ALDH5A1: variants seen among roughly 807,000 people sequenced by gnomAD.
The protein encoded by ALDH5A1 is succinate-semialdehyde dehydrogenase, mitochondrial.
In ALDH5A1, 33 loss-of-function variants were observed where a neutral mutation model predicts 54.7. The ratio of observed to expected loss-of-function variants is 0.60; its 90% CI spans 0.46 to 0.81. The LOEUF (loss-of-function observed/expected upper bound fraction) is 0.81. Ranked by LOEUF, ALDH5A1 falls within the 30% of genes least tolerant of loss-of-function variation. The pLI is 0.00. For missense variants in ALDH5A1, 657 were observed against 711.0 expected (o/e 0.92, Z 0.86); for synonymous variants, 294 against 292.7 (o/e 1.00, Z -0.05).
At chr6:24,500,103 T>A (rs1764791635) in intron 1 of ALDH5A1, among the ~76,000 whole-genome samples, 1 of 152,236 alleles carries the variant, frequency 6.6e-6, no homozygotes, top group African/African-American at 2.4e-5. Flanking sequence ...CCGCCACACC[T>A]GGTCCCATAA....
chr6:24,520,656 G>A, intron 6 of ALDH5A1, 112 bp downstream of exon 6: 5 of 1,480,258 alleles, frequency 3.4e-6, no homozygotes, highest in Admixed American at 2.0e-5. Flanking sequence ...GTGCGTGTGT[G>A]TGTGTTACAA....
At chr6:24,498,791 CTG>C in intron 1 of ALDH5A1, among the ~76,000 whole-genome samples, 1 of 152,144 alleles carries the variant, frequency 6.6e-6, no homozygotes, top group Non-Finnish European at 1.5e-5. Flanking sequence ...TGGTGAAACA[CTG>C]TCTCTACTAA....
chr6:24,520,202 C>T (rs1759652605), intron 5 of ALDH5A1, among the ~76,000 whole-genome samples, 199 bp from the exon 6 acceptor site: 2 of 152,192 alleles, frequency 1.3e-5, no homozygotes. Flanking sequence ...CCACACCCAG[C>T]CTCTTCCCAA....
intron 3 of ALDH5A1, among the ~76,000 whole-genome samples, chr6:24,504,076 C>G (rs2760115): frequency 0.29 from 44,488 of 151,960 alleles, 6,742 homozygotes; most frequent in Non-Finnish European, 0.31. Context: ...TAGTTACAGA[C>G]AGAATCCCCC....
chr6:24,511,668 G>A (rs1050858544), intron 4 of ALDH5A1, among the ~76,000 whole-genome samples: 4 of 148,482 alleles, frequency 2.7e-5, no homozygotes, highest in African/African-American at 9.8e-5. Flanking sequence ...GTTTCCTGGA[G>A]TTTTGATTGT....
chr6:24,511,230 T>A (rs1759452185), intron 4 of ALDH5A1, among the ~76,000 whole-genome samples: 1 of 152,210 alleles, frequency 6.6e-6, no homozygotes, highest in Non-Finnish European at 1.5e-5. Context: ...TACCTGGTGC[T>A]TTTGCCTCAC....
At position 24,520,423 on chromosome 6, in the gene ALDH5A1, A is replaced by C. The variant is rs1360442872; in HGVS notation, c.893A>C (p.Asn298Thr). ...TGKILLHHAA[N>T]SVKRVSMELG... The stretch of plus-strand genomic sequence containing the variant: ...CAGATCCTGTTGCACCACGCAGCAA[A>C]CTCTGTGAAAAGGGTCTCTATGGAG... The change falls in exon 6 of 10, where the codon AAC becomes ACC. Residue 298 changes from asparagine to threonine, a missense_variant. By Grantham distance (65) the Asn-to-Thr change is moderately conservative (BLOSUM62 0). Around this residue, in one of 2 missense-constraint regions of ALDH5A1, gnomAD observed 425 missense variants for 516.4 expected, o/e 0.82. Transcript: ENST00000357578. 2 of 1,613,874 alleles carry C rather than the reference A, an allele frequency of 1.2e-6. No individual in the cohort carries two copies. The highest frequency in any genetic ancestry group is 1.7e-6 in the Non-Finnish European group (2 of 1,180,008).
rs964260186 is a variant in ALDH5A1 at position 24,495,263 on chromosome 6, G to C, written c.267G>C (p.Met89Ile). The change falls in exon 1 of 10, where the codon ATG becomes ATC. Residue 89 changes from methionine to isoleucine, a missense_variant. Physicochemically the swap from Met to Ile is conservative, Grantham distance 10. Transcript: ENST00000357578. Reference protein sequence around the residue: ...QDPASGAALGMVADCGVREAR... With the variant: ...QDPASGAALGIVADCGVREAR... ...CGGCCAGCGGCGCCGCTCTGGGCAT[G>C]GTAGCCGACTGCGGGGTGCGAGAGG... The C allele has an allele frequency of 1.4e-5, 22 of 1,532,564 alleles. No individual in the cohort carries two copies. Among genetic ancestry groups the C allele is most frequent in the Non-Finnish European group, 1.7e-5 (19 of 1,146,118 alleles). The allele number at this position is 1,532,564 out of a possible 1,614,324, so 94.9% of individuals were successfully genotyped here. A position where few individuals can be genotyped will look rare whatever the true frequency, so the allele number is the denominator to read the frequency against.
intron 4 of ALDH5A1, among the ~76,000 whole-genome samples, chr6:24,514,846 C>T (rs1759531652): frequency 6.6e-6 from 1 of 152,024 alleles, no homozygotes; most frequent in Non-Finnish European, 1.5e-5. Context: ...AACCTTGGCT[C>T]ACTGCAACCT....
rs553384589 is a variant in ALDH5A1, at chr6:24,522,916, G to A, written c.1164G>A (p.Ala388=). 36 of 1,611,814 alleles carry A rather than the reference G, an allele frequency of 2.2e-5. No homozygotes were observed. Among genetic ancestry groups the A allele is most frequent in the African/African-American group, 5.4e-5 (4 of 74,748 alleles). Residue 388 remains alanine, a synonymous_variant, in exon 7 of 10, where the codon GCG becomes GCA. Coordinates refer to ENST00000357578, the MANE Select transcript of ALDH5A1 (RefSeq NM_001080.3). ...TTQGPLINEK[A]VEKVEKQVND... is the part of the protein sequence containing the mutation. ...AGGGCCCATTAATTAATGAAAAAGC[G>A]GTAGAAAAGGTAAGTATATTGTATT...
Position 24,497,028 on chromosome 6 carries a change from C to T in ALDH5A1, c.354+1678C>T, listed in dbSNP as rs142940968. 2.1e-3 allele frequency among the ~76,000 whole-genome samples: 327 copies of T among 152,198 alleles called. 3 individuals are homozygous for T. The highest frequency in any genetic ancestry group is 7.3e-3 in the African/African-American group (303 of 41,536). The stretch of plus-strand genomic sequence containing the variant: ...GTTCCTGCCGGTAGGTTTGTGGCCT[C>T]GCTGACTTCAAAAATGGAGCCGCGG... On this transcript the variant is annotated intron_variant, in intron 1 of 9. Transcript: ENST00000357578.
Position 24,535,005 on chromosome 6 carries a change from G to A in ALDH5A1, c.*1293G>A, listed in dbSNP as rs2127391651. 1 of 152,312 alleles carries A rather than the reference G, an allele frequency of 6.6e-6. No individual in the cohort carries two copies. The highest frequency in any genetic ancestry group is 3.4e-3 in the Middle Eastern group (1 of 294). The allele number at this position is 152,312 out of a possible 1,614,324, so 9.4% of individuals were successfully genotyped here. A position where few individuals can be genotyped will look rare whatever the true frequency, so the allele number is the denominator to read the frequency against. ...CAAAAAACAAAAGCCGCTATGACCG[G>A]CGTTGCCTCTCACTTTGAAAGAAAG... On this transcript the variant is annotated 3_prime_UTR_variant, in exon 10 of 10. Coordinates refer to ENST00000357578, the MANE Select transcript of ALDH5A1 (RefSeq NM_001080.3).
chr6:24,522,599 G>A (rs993376888), intron 6 of ALDH5A1, 168 bp from the exon 7 acceptor site: 1 of 710,932 alleles, frequency 1.4e-6, no homozygotes, highest in East Asian at 2.7e-5. Flanking sequence ...CTGACTCAGT[G>A]CTTTTATCTT....
chr6:24,531,671 T>C (rs974074114), intron 8 of ALDH5A1, among the ~76,000 whole-genome samples: 16 of 152,216 alleles, frequency 1.1e-4, no homozygotes, highest in Non-Finnish European at 2.2e-4. Flanking sequence ...ACTCCAAGCA[T>C]CGTGCCATTG....
chr6:24,501,704 C>G (rs1163524358), intron 1 of ALDH5A1, among the ~76,000 whole-genome samples: 1 of 152,072 alleles, frequency 6.6e-6, no homozygotes, highest in Non-Finnish European at 1.5e-5. Flanking sequence ...GAACAAAACC[C>G]TGTCTCTTTT....
At chr6:24,496,751 T>C (rs1253729141) in intron 1 of ALDH5A1, among the ~76,000 whole-genome samples, 1 of 152,232 alleles carries the variant, frequency 6.6e-6, no homozygotes, top group Non-Finnish European at 1.5e-5. Flanking sequence ...TGTGTGTATA[T>C]GTGTCCTAAT....
chr6:24,522,569 G>T, intron 6 of ALDH5A1, 198 bp from the exon 7 acceptor site: 1 of 533,422 alleles, frequency 1.9e-6, no homozygotes, highest in African/African-American at 1.9e-5. Flanking sequence ...GCTGTGGAGG[G>T]AACTGGAGGG....
chr6:24,496,439 A>G (rs1360359353), intron 1 of ALDH5A1, among the ~76,000 whole-genome samples: 1 of 152,254 alleles, frequency 6.6e-6, no homozygotes, highest in Non-Finnish European at 1.5e-5. Flanking sequence ...GTGACCAGGC[A>G]TATTCCTCTG....
At chr6:24,519,143 G>C (rs970541699) in intron 5 of ALDH5A1, among the ~76,000 whole-genome samples, 4 of 151,960 alleles carry the variant, frequency 2.6e-5, no homozygotes, top group Non-Finnish European at 5.9e-5. Context: ...CCAGGCTGGA[G>C]TGCAGTGGCG....
Sources: gnomAD v4.1 joint callset for allele counts (sites outside exome capture counted in the v4.1 genomes callset) on GRCh38, gnomAD v4.1.1 for gene constraint, gnomAD v4.1.1 regional missense constraint, MANE v1.5 for transcripts, NCBI Gene and HGNC (gene_info 2026-07-23, HGNC 2026-07-21) for gene names.